CELF2: variants seen among roughly 807,000 people sequenced by gnomAD.
The protein encoded by CELF2 is CUGBP Elav-like family member 2.
In CELF2, 8 loss-of-function variants were observed where a neutral mutation model predicts 62.6. The ratio of observed to expected loss-of-function variants is 0.13; its 90% confidence interval spans 0.07 to 0.23. CELF2 has a LOEUF of 0.23. Ranked by LOEUF, CELF2 falls within the 10% of genes least tolerant of loss-of-function variation. The pLI, the probability that CELF2 is intolerant of heterozygous loss-of-function variation, is 1.00. For synonymous variants in CELF2, 258 were observed against 250.0 expected (o/e 1.03, Z -0.30); for missense variants, 333 against 671.0 (o/e 0.50, Z 5.56).
intron 1 of CELF2, among the ~76,000 whole-genome samples, chr10:11,106,801 T>A (rs934740892): frequency 3.9e-5 from 6 of 152,232 alleles, no homozygotes; most frequent in Admixed American, 3.9e-4. Context: ...TGGTTCTGTT[T>A]ACACACCCAG....
chr10:10,760,934 C>A, the CELF2 span, among the ~76,000 whole-genome samples: 2 of 152,092 alleles, frequency 1.3e-5, no homozygotes, highest in African/African-American at 2.4e-5. Context: ...TGGACTTTAT[C>A]TTAAGAGCAA....
At chr10:11,049,243 T>C (rs149986327) in intron 1 of CELF2, among the ~76,000 whole-genome samples, 2 of 152,224 alleles carry the variant, frequency 1.3e-5, no homozygotes, top group Non-Finnish European at 2.9e-5. Flanking sequence ...CCTGTCTTTT[T>C]TTCTCCTTAC....
the CELF2 span, among the ~76,000 whole-genome samples, chr10:10,661,341 C>T: frequency 1.3e-5 from 2 of 152,324 alleles, no homozygotes; most frequent in Admixed American, 1.3e-4. Context: ...GTATTCATAG[C>T]TCATGCTCTT....
chr10:10,964,727 CT>C (rs1443994686), intron 2 of CELF2, among the ~76,000 whole-genome samples: 1 of 152,192 alleles, frequency 6.6e-6, no homozygotes, highest in African/African-American at 2.4e-5. Flanking sequence ...CATAGTGCCA[CT>C]TTAGACCCAA....
At chr10:11,067,893 G>C (rs937300004) in intron 1 of CELF2, among the ~76,000 whole-genome samples, 19 of 152,174 alleles carry the variant, frequency 1.2e-4, no homozygotes, top group African/African-American at 3.9e-4. Context: ...AAGATTTTGA[G>C]AATTAAAACA....
chr10:10,532,924 A>G, the CELF2 span, among the ~76,000 whole-genome samples: 2 of 151,640 alleles, frequency 1.3e-5, no homozygotes, highest in South Asian at 4.2e-4. Context: ...CCACTCAAGA[A>G]GACATCTTGC....
intron 1 of CELF2, among the ~76,000 whole-genome samples, chr10:10,885,434 A>G (rs886369132): frequency 1.1e-4 from 17 of 151,578 alleles, no homozygotes; most frequent in African/African-American, 3.6e-4. Context: ...TAGGCTCCAG[A>G]TTAGCAGGAA....
At position 11,328,863 on chromosome 10, in the gene CELF2, C is replaced by T; in HGVS notation, c.1439-63C>T. 3 of 1,556,448 alleles carry T rather than the reference C, an allele frequency of 1.9e-6. No individual in the cohort carries two copies. The highest frequency in any genetic ancestry group is 2.3e-5 in the East Asian group (1 of 43,500). On this transcript the variant is annotated intron_variant, in intron 12 of 12. Transcript: ENST00000633077. This position sits in a 1 kb window ranked among gnomAD's most constrained non-coding sequence, Gnocchi z 6.4. ...CTTCAGCCTTCCCCAGAGCTCCAGC[C>T]CCCTTTTCTGTTTTCTGCTGGGCTT... is the stretch of plus-strand genomic sequence containing the variant.
the CELF2 span, among the ~76,000 whole-genome samples, chr10:10,587,363 A>C: frequency 6.6e-6 from 1 of 152,180 alleles, no homozygotes; most frequent in African/African-American, 2.4e-5. Context: ...TTGAACCCAA[A>C]CGCATTTGCA....
Position 10,843,997 on chromosome 10 carries a change from G to A in CELF2, c.53+45180G>A, listed in dbSNP as rs541200416. 5.2e-4 allele frequency among the ~76,000 whole-genome samples: 79 copies of A among 152,002 alleles called. 2 individuals are homozygous for A. Among genetic ancestry groups the A allele is most frequent in the African/African-American group, 1.9e-3 (77 of 41,492 alleles). ...TCATGAATAAGGGAAAAATGAATTA[G>A]ATGATTCCTAAGATCCTTTGACCTC... On this transcript the variant is annotated intron_variant, in intron 1 of 13. Transcript: ENST00000636488.
the CELF2 span, among the ~76,000 whole-genome samples, chr10:10,770,272 C>T: frequency 4.8e-3 from 725 of 152,022 alleles, 9 homozygotes; most frequent in African/African-American, 0.016. Flanking sequence ...GCGGAGGTTG[C>T]AGTAAGCCGA....
chr10:10,526,562 T>C, the CELF2 span, among the ~76,000 whole-genome samples: 138,084 of 152,132 alleles, frequency 0.91, 63,221 homozygotes, highest in South Asian at 0.97. Flanking sequence ...CCCTTAGGTC[T>C]AGACATGTAA....
chr10:10,949,221 C>T (rs904584897), intron 2 of CELF2, among the ~76,000 whole-genome samples: 7 of 152,130 alleles, frequency 4.6e-5, no homozygotes, highest in African/African-American at 2.4e-5. Context: ...CCATTGCATC[C>T]CCTTCCCATA....
chr10:10,863,187 C>T (rs755239961), intron 1 of CELF2, among the ~76,000 whole-genome samples: 3 of 152,170 alleles, frequency 2.0e-5, no homozygotes, highest in Non-Finnish European at 4.4e-5. Context: ...AGCTACACTG[C>T]CCAGGCTAAA....
At chr10:11,161,898 C>T (rs747209831) in intron 1 of CELF2, among the ~76,000 whole-genome samples, 13 of 152,180 alleles carry the variant, frequency 8.5e-5, no homozygotes, top group Non-Finnish European at 1.5e-4. Flanking sequence ...AAAGGTTTAA[C>T]TGTTGAACAC....
chr10:10,509,736 C>CA, the CELF2 span, among the ~76,000 whole-genome samples: 1 of 152,202 alleles, frequency 6.6e-6, no homozygotes, highest in African/African-American at 2.4e-5. Flanking sequence ...ATTAGCCACA[C>CA]ATACTGCAAA....
rs905174276 is a variant in CELF2, at chr10:11,156,238, C to G, written c.75-9248C>G. On this transcript the variant is annotated intron_variant, in intron 1 of 12. Transcript: ENST00000633077. This position sits in a 1 kb window ranked among gnomAD's most constrained non-coding sequence, Gnocchi z 4.3. ...GACTAGTAATAGGTGTGTTGACTCT[C>G]GGATTTAATAGGACGGCACTGGACG... Among the ~76,000 whole-genome samples, 1 of 152,068 alleles carries G rather than the reference C, an allele frequency of 6.6e-6. No homozygotes were observed. Among genetic ancestry groups the G allele is most frequent in the Non-Finnish European group, 1.5e-5 (1 of 68,010 alleles).
chr10:11,020,855 T>C (rs1182115489), intron 1 of CELF2, among the ~76,000 whole-genome samples: 1 of 152,234 alleles, frequency 6.6e-6, no homozygotes, highest in Non-Finnish European at 1.5e-5. Context: ...GTAGAATTGC[T>C]GTAACATATG....
intron 2 of CELF2, among the ~76,000 whole-genome samples, chr10:10,959,401 A>G (rs2049245356): frequency 6.6e-6 from 1 of 152,260 alleles, no homozygotes; most frequent in African/African-American, 2.4e-5. Flanking sequence ...TAGTTTCTAT[A>G]TATGGTGTAC....
Sources: gnomAD v4.1 joint callset for allele counts (sites outside exome capture counted in the v4.1 genomes callset) on GRCh38, gnomAD v4.1.1 for gene constraint, Gnocchi (gnomAD v3.1) non-coding constraint, MANE v1.5 for transcripts, NCBI Gene and HGNC (gene_info 2026-07-23, HGNC 2026-07-21) for gene names.